PHF2: variants seen among roughly 807,000 people sequenced by gnomAD.
The protein encoded by PHF2 is PHD finger protein 2.
PHF2 carries 27 observed loss-of-function variants against 120.5 expected under a neutral mutation model. That is an observed-to-expected ratio of 0.22 (90% CI 0.17 to 0.31). The LOEUF is 0.31. Among genes scored for constraint, PHF2 ranks in the 10% least tolerant of loss-of-function variants. PHF2 has a pLI of 1.00. For missense variants in PHF2, 1,024 were observed against 1,434.8 expected (o/e 0.71, Z 4.63); for synonymous variants, 568 against 592.5 (o/e 0.96, Z 0.60).
At chr9:93,583,213 G>A (rs1405457401) in intron 1 of PHF2, among the ~76,000 whole-genome samples, 2 of 152,156 alleles carry the variant, frequency 1.3e-5, no homozygotes, top group African/African-American at 4.8e-5. Flanking sequence ...CAATATTTTT[G>A]AGGTTCATCC....
At chr9:93,586,160 G>A (rs1863040766) in intron 1 of PHF2, among the ~76,000 whole-genome samples, 1 of 152,236 alleles carries the variant, frequency 6.6e-6, no homozygotes. Context: ...TGAACCCGGG[G>A]AGAGGGACCC....
chr9:93,615,199 A>G (rs867253066), intron 1 of PHF2, among the ~76,000 whole-genome samples: 25 of 78,722 alleles, frequency 3.2e-4, no homozygotes, highest in South Asian at 1.2e-3. Context: ...GATGGTGATG[A>G]TGATGGTGAT....
At chr9:93,576,892 C>A in intron 1 of PHF2, 21 bp downstream of exon 1, 3 of 1,100,968 alleles carry the variant, frequency 2.7e-6, no homozygotes, top group Non-Finnish European at 2.3e-6. Flanking sequence ...GGCGGCTGCT[C>A]GGCTCGGCCC....
chr9:93,609,720 C>T (rs933359675), intron 1 of PHF2, among the ~76,000 whole-genome samples: 9 of 151,422 alleles, frequency 5.9e-5, no homozygotes, highest in Non-Finnish European at 1.0e-4. Context: ...TATTTTTTTT[C>T]GAGATGGAGT....
At chr9:93,670,296 C>G (rs1345289376) in intron 17 of PHF2, among the ~76,000 whole-genome samples, 1 of 152,186 alleles carries the variant, frequency 6.6e-6, no homozygotes, top group Admixed American at 6.5e-5. Context: ...CTGCCTTGTC[C>G]TGGGGCCAGG....
intron 1 of PHF2, among the ~76,000 whole-genome samples, chr9:93,600,840 A>G (rs1207518915): frequency 6.6e-6 from 1 of 152,234 alleles, no homozygotes; most frequent in Non-Finnish European, 1.5e-5. Flanking sequence ...GATCCTGCTT[A>G]GCTTCCAAGA....
chr9:93,619,754 C>T (rs1322472673), intron 1 of PHF2, among the ~76,000 whole-genome samples: 1 of 152,238 alleles, frequency 6.6e-6, no homozygotes, highest in Non-Finnish European at 1.5e-5. Context: ...CAACAAGCTT[C>T]TGTTGTCGCA....
chr9:93,593,883 G>A (rs1388503240), intron 1 of PHF2, among the ~76,000 whole-genome samples: 6 of 152,208 alleles, frequency 3.9e-5, no homozygotes, highest in African/African-American at 2.4e-5. Context: ...TTAAGATTAC[G>A]TTTTTCCTAC....
At chr9:93,652,889 C>G (rs765943016) in intron 5 of PHF2, among the ~76,000 whole-genome samples, 2 of 152,182 alleles carry the variant, frequency 1.3e-5, no homozygotes, top group Non-Finnish European at 2.9e-5. Flanking sequence ...TTTCCAGTTC[C>G]CAGGAAAGGA....
intron 1 of PHF2, among the ~76,000 whole-genome samples, chr9:93,583,023 T>A (rs777392993): frequency 1.6e-4 from 24 of 152,198 alleles, no homozygotes; most frequent in Non-Finnish European, 2.8e-4. Context: ...TCTTCCTCAC[T>A]CCTAAAGTAA....
Position 93,676,697 on chromosome 9 carries a change from C to G in PHF2, c.2936C>G (p.Thr979Ser). The change falls in exon 21 of 22, where the codon ACC (threonine) becomes AGC (serine). Residue 979 changes from threonine (T) to serine (S), a missense_variant. This residue lies in a region of PHF2 where 677 missense variants were observed against 857.4 expected (regional missense o/e 0.79). Transcript: ENST00000359246. ...TCCATCTCTGCCGGCACCACCTCCA[C>G]CTCCACCACGCCAGCCTCTACCACC... ...STSISAGTTSTSTTPASTTPA... is the reference protein window; with the variant it reads ...STSISAGTTSSSTTPASTTPA... The G allele has an allele frequency of 2.6e-6, 4 of 1,566,370 alleles. No homozygotes were observed. The highest frequency in any genetic ancestry group is 3.5e-6 in the Non-Finnish European group (4 of 1,156,328).
In PHF2 at chr9:93,616,009, A is replaced by G. The variant is rs145851191; in HGVS notation, c.99-13961A>G. On this transcript the variant is annotated intron_variant, in intron 1 of 21. Coordinates refer to ENST00000359246, the MANE Select transcript of PHF2 (RefSeq NM_005392.4). ...TTTCTGTGATTTAGGAAACCGCAGG[A>G]AAGTATAAGGGAAGAAAGACATGGC... 4.1e-3 allele frequency among the ~76,000 whole-genome samples: 622 copies of G among 152,332 alleles called. 3 individuals carry two copies. Among genetic ancestry groups the G allele is most frequent in the African/African-American group, 0.014 (591 of 41,556 alleles).
intron 12 of PHF2, 109 bp from the exon 13 acceptor site, chr9:93,662,798 G>C: frequency 1.5e-6 from 2 of 1,339,456 alleles, no homozygotes; most frequent in South Asian, 2.6e-5. Flanking sequence ...ATGGATGGAG[G>C]CTTGAGCTGC....
rs768732663 is a variant in PHF2 at position 93,660,424 on chromosome 9, T to C, written c.1562T>C (p.Leu521Pro). 2 of 1,270,506 alleles carry C rather than the reference T, an allele frequency of 1.6e-6. No individual in the cohort carries two copies. The highest frequency in any genetic ancestry group is 5.6e-5 in the Admixed American group (2 of 35,722). The allele number at this position is 1,270,506 out of a possible 1,614,324, so 78.7% of individuals were successfully genotyped here. A position where few individuals can be genotyped will look rare whatever the true frequency, so the allele number is the denominator to read the frequency against. ...PPKPPRPPKTLKLKDGGKKKG... is the reference protein window; with the variant it reads ...PPKPPRPPKTPKLKDGGKKKG... Reference sequence around the variant, plus strand: ...AAGCCCCCAAGGCCCCCCAAAACGCTGAAGCTCAAAGATGGAGGCAAGAAG... The same window carrying C: ...AAGCCCCCAAGGCCCCCCAAAACGCCGAAGCTCAAAGATGGAGGCAAGAAG... The change falls in exon 12 of 22, where the codon CTG (leucine) becomes CCG (proline). Residue 521 changes from leucine (L) to proline (P), a missense_variant. By Grantham distance (98) the Leu-to-Pro change is moderately conservative. Around this residue, in one of 2 missense-constraint regions of PHF2, gnomAD observed 677 missense variants for 857.4 expected, o/e 0.79. Coordinates refer to ENST00000359246, the MANE Select transcript of PHF2 (RefSeq NM_005392.4).
intron 1 of PHF2, among the ~76,000 whole-genome samples, chr9:93,578,091 G>A (rs1862867568): frequency 6.6e-6 from 1 of 152,254 alleles, no homozygotes; most frequent in Non-Finnish European, 1.5e-5. Context: ...TGGTGCTTAA[G>A]AGTGGGCTGT....
chr9:93,671,484 G>A (rs28729158), intron 17 of PHF2, among the ~76,000 whole-genome samples: 4 of 121,604 alleles, frequency 3.3e-5, no homozygotes, highest in South Asian at 2.6e-4. Flanking sequence ...GTGGGTGTGG[G>A]AGTAGGTACA....
intron 1 of PHF2, among the ~76,000 whole-genome samples, chr9:93,618,721 C>T (rs1308137788): frequency 2.6e-5 from 4 of 151,514 alleles, no homozygotes; most frequent in Non-Finnish European, 4.4e-5. Context: ...GCACTCTGCG[C>T]TTGCACACCT....
At position 93,650,141 on chromosome 9, in the gene PHF2, C is replaced by G. The variant is rs200569627; in HGVS notation, c.602+929C>G. 2.0e-5 allele frequency among the ~76,000 whole-genome samples: 3 copies of G among 150,650 alleles called. No individual in the cohort carries two copies. In the South Asian group the frequency reaches 6.4e-4, roughly 32 times the overall value. On this transcript the variant is annotated intron_variant, in intron 5 of 21. Coordinates refer to ENST00000359246, the MANE Select transcript of PHF2 (RefSeq NM_005392.4). The stretch of plus-strand genomic sequence containing the variant: ...GACACACACTTAGCACTCACCAACA[C>G]GGTACACTCACACATGGACACACTC...
At chr9:93,651,402 G>C (rs1198334459) in intron 5 of PHF2, among the ~76,000 whole-genome samples, 2 of 152,190 alleles carry the variant, frequency 1.3e-5, no homozygotes, top group East Asian at 3.8e-4. Context: ...CCAGTCCGTG[G>C]ATCATTAGGG....
Sources: allele counts gnomAD v4.1 joint callset (sites outside exome capture counted in the v4.1 genomes callset), GRCh38; gene constraint gnomAD v4.1.1; regional missense constraint gnomAD v4.1.1; transcripts MANE v1.5; gene names NCBI Gene and HGNC (gene_info 2026-07-23, HGNC 2026-07-21).